PI4KA: variants seen among roughly 807,000 people sequenced by gnomAD.
The protein encoded by PI4KA is PI4-kinase alpha.
PI4KA carries 122 observed loss-of-function variants against 271.4 expected under a neutral mutation model. That is an observed-to-expected ratio of 0.45 (90% CI 0.39 to 0.52). The LOEUF (loss-of-function observed/expected upper bound fraction) is 0.52, where lower values mean the gene tolerates loss of function less well. PI4KA is among the 20% of genes least tolerant of loss of function. The pLI, the probability that PI4KA is intolerant of heterozygous loss-of-function variation, is 0.00. For missense variants in PI4KA, 1,969 were observed against 2,769.1 expected (o/e 0.71, Z 6.48); for synonymous variants, 1,041 against 1,078.8 (o/e 0.96, Z 0.69).
At position 20,858,757 on chromosome 22, in the gene PI4KA, T is replaced by C; in HGVS notation, c.-32A>G. 1 of 1,367,202 alleles carries C rather than the reference T, an allele frequency of 7.3e-7. No homozygotes were observed. The highest frequency in any genetic ancestry group is 9.5e-7 in the Non-Finnish European group (1 of 1,057,640). 84.7% of individuals were successfully genotyped at this position (1,367,202 alleles called of 1,614,324 possible). A position where few individuals can be genotyped will look rare whatever the true frequency, so the allele number is the denominator to read the frequency against. ...ACGAGCCGCGGCGCTGCCCGCCGGC[T>C]CCCCGCTCCTGGCCCGCGAGCGCCC... On this transcript the variant is annotated 5_prime_UTR_variant, in exon 1 of 55. Transcript: ENST00000255882.
chr22:20,740,304 C>G (rs896137046), intron 32 of PI4KA, among the ~76,000 whole-genome samples: 3 of 150,142 alleles, frequency 2.0e-5, no homozygotes, highest in African/African-American at 7.3e-5. Context: ...GAGAAAAACC[C>G]TGAAAAACTG....
intron 4 of PI4KA, among the ~76,000 whole-genome samples, chr22:20,822,097 T>C (rs1922782870): frequency 1.3e-5 from 2 of 152,090 alleles, no homozygotes; most frequent in African/African-American, 2.4e-5. Context: ...CCAAGAACAG[T>C]GCAGGGGTTC....
chr22:20,744,918 A>T (rs529918262), intron 29 of PI4KA, among the ~76,000 whole-genome samples, 198 bp from the exon 30 acceptor site: 43 of 149,782 alleles, frequency 2.9e-4, no homozygotes, highest in South Asian at 6.3e-4. Flanking sequence ...ATAAGAAATT[A>T]AAAAAAAAAG....
intron 19 of PI4KA, among the ~76,000 whole-genome samples, chr22:20,775,672 T>C (rs1420524442): frequency 1.3e-5 from 2 of 152,196 alleles, no homozygotes; most frequent in East Asian, 3.8e-4. Flanking sequence ...TTTTTTAAAA[T>C]AGAGATGAGG....
chr22:20,726,557 A>G lies in PI4KA; in HGVS notation c.4942-16T>C. ...GGATGGCGTCCTGTGGAGGTGGAGCAGAGTTGGCCATGACTTCTGAGAGCA... is the reference window on the plus strand; with the variant it reads ...GGATGGCGTCCTGTGGAGGTGGAGCGGAGTTGGCCATGACTTCTGAGAGCA... On this transcript the variant is annotated splice_polypyrimidine_tract_variant and intron_variant, in intron 41 of 54. Transcript: ENST00000255882. 2 of 1,583,066 alleles carry G rather than the reference A, an allele frequency of 1.3e-6. No homozygotes were observed. The highest frequency in any genetic ancestry group is 1.7e-6 in the Non-Finnish European group (2 of 1,166,754).
rs1933582345 is a variant in PI4KA at position 20,779,530 on chromosome 22, G to A, written c.2328+13663C>T. On this transcript the variant is annotated intron_variant, in intron 19 of 54. Transcript: ENST00000255882. ...GTCACCAACGACTGGATTCCAGAGGGGGAGGAGGACGACGACTATCTGGAC... is the reference window on the plus strand; with the variant it reads ...GTCACCAACGACTGGATTCCAGAGGAGGAGGAGGACGACGACTATCTGGAC... 22 of 1,614,002 alleles carry A rather than the reference G, an allele frequency of 1.4e-5. No homozygotes were observed. Among genetic ancestry groups the A allele is most frequent in the Non-Finnish European group, 1.9e-5 (22 of 1,179,830 alleles).
Position 20,712,505 on chromosome 22 carries a change from G to A in PI4KA, c.5783C>T (p.Ser1928Phe). 1 of 1,606,584 alleles carries A rather than the reference G, an allele frequency of 6.2e-7. No homozygotes were observed. Among genetic ancestry groups the A allele is most frequent in the Non-Finnish European group, 8.5e-7 (1 of 1,177,478 alleles). ...GGCTACCTGCTGGAAGGCCAGAGTG[G>A]ACTCATCCCCGTACTGGCGTGTGAA... ...DYFTRQYGDESTLAFQQARYN... is the reference protein window; with the variant it reads ...DYFTRQYGDEFTLAFQQARYN... Residue 1928 changes from serine to phenylalanine, a missense_variant, in exon 50 of 55, where the codon TCC (serine) becomes TTC (phenylalanine). This residue lies in a region of PI4KA where 110 missense variants were observed against 349.8 expected (regional missense o/e 0.31). Transcript: ENST00000255882.
At chr22:20,842,281 A>G (rs1034571707) in intron 1 of PI4KA, among the ~76,000 whole-genome samples, 1 of 152,114 alleles carries the variant, frequency 6.6e-6, no homozygotes, top group African/African-American at 2.4e-5. Context: ...GTTCTCCCCT[A>G]GAGTCTCTAA....
At chr22:20,852,998 C>T (rs975044836) in intron 1 of PI4KA, among the ~76,000 whole-genome samples, 28 of 152,026 alleles carry the variant, frequency 1.8e-4, no homozygotes, top group Admixed American at 4.6e-4. Flanking sequence ...GCACTTTGGG[C>T]GGCCAAGAAA....
At position 20,732,861 on chromosome 22, in the gene PI4KA, G is replaced by A. The variant is rs143404217; in HGVS notation, c.4288+110C>T. On this transcript the variant is annotated intron_variant, in intron 36 of 54. Transcript: ENST00000255882. Reference sequence around the variant, plus strand: ...GCAACACAGCCAAGGCCAGGGCTCAGGGGGGTCTAACTGCTTTTCCGTCCC... The same window carrying A: ...GCAACACAGCCAAGGCCAGGGCTCAAGGGGGTCTAACTGCTTTTCCGTCCC... 178 of 1,249,306 alleles carry A rather than the reference G, an allele frequency of 1.4e-4. No homozygotes were observed. In the African/African-American group the frequency reaches 2.4e-3, roughly 17 times the overall value. The allele number at this position is 1,249,306 out of a possible 1,614,324, so 77.4% of individuals were successfully genotyped here.
intron 29 of PI4KA, among the ~76,000 whole-genome samples, chr22:20,747,261 C>T (rs754836133): frequency 8.5e-5 from 13 of 152,078 alleles, no homozygotes; most frequent in Non-Finnish European, 1.5e-4. Flanking sequence ...TCGCGCTGCC[C>T]GTGTCAGGCG....
chr22:20,858,423 C>A (rs910069631), intron 1 of PI4KA, 147 bp downstream of exon 1: 28 of 541,014 alleles, frequency 5.2e-5, no homozygotes, highest in African/African-American at 3.4e-4. Flanking sequence ...CTCCTTCCCC[C>A]GCTAGATCCC....
intron 23 of PI4KA, among the ~76,000 whole-genome samples, chr22:20,760,071 G>C (rs1419631063): frequency 3.3e-5 from 5 of 152,192 alleles, no homozygotes; most frequent in African/African-American, 1.2e-4. Context: ...AGAACAAGTT[G>C]ATAGATTCAC....
At chr22:20,834,977 C>T (rs1001621349) in intron 2 of PI4KA, among the ~76,000 whole-genome samples, 11 of 152,184 alleles carry the variant, frequency 7.2e-5, no homozygotes, top group African/African-American at 2.2e-4. Flanking sequence ...CGTGTGTACA[C>T]ACTCAAAGCT....
intron 19 of PI4KA, among the ~76,000 whole-genome samples, chr22:20,791,926 C>A (rs559134493): frequency 6.6e-6 from 1 of 152,128 alleles, no homozygotes; most frequent in Non-Finnish European, 1.5e-5. Flanking sequence ...CATGGTGAAA[C>A]CCCATCTCTA....
At chr22:20,798,442 T>G in intron 17 of PI4KA, 142 bp downstream of exon 17, 1 of 650,184 alleles carries the variant, frequency 1.5e-6, no homozygotes, top group Admixed American at 2.5e-5. Flanking sequence ...GGTTTTCACT[T>G]CCCCCCTTAT....
At chr22:20,727,638 A>C (rs764327927) in intron 40 of PI4KA, 136 bp downstream of exon 40, 7 of 724,714 alleles carry the variant, frequency 9.7e-6, no homozygotes, top group Non-Finnish European at 1.6e-5. Context: ...AAAACACAGG[A>C]AATCAGAAAA....
At chr22:20,783,778 T>G (rs1294912580) in intron 19 of PI4KA, among the ~76,000 whole-genome samples, 1 of 152,186 alleles carries the variant, frequency 6.6e-6, no homozygotes, top group African/African-American at 2.4e-5. Context: ...CCAGTCCGGG[T>G]AACCTCTCGT....
chr22:20,833,377 C>T (rs1320678694), intron 3 of PI4KA, among the ~76,000 whole-genome samples: 1 of 152,196 alleles, frequency 6.6e-6, no homozygotes, highest in Non-Finnish European at 1.5e-5. Flanking sequence ...ACCAGCAGTG[C>T]AATGGGGTGC....
Sources: allele counts gnomAD v4.1 joint callset (sites outside exome capture counted in the v4.1 genomes callset), GRCh38; gene constraint gnomAD v4.1.1; regional missense constraint gnomAD v4.1.1; transcripts MANE v1.5; gene names NCBI Gene and HGNC (gene_info 2026-07-23, HGNC 2026-07-21).